Variants in PTPN22 observed in about 807,000 individuals in gnomAD.
PTPN22 encodes the protein tyrosine-protein phosphatase non-receptor type 22.
A neutral mutation model predicts 103.3 loss-of-function variants in PTPN22; 85 were observed. That is an observed-to-expected ratio of 0.82 (90% CI 0.69 to 0.99). The LOEUF is 0.99. Ranked by LOEUF, PTPN22 falls within the 50% of genes least tolerant of loss-of-function variation. PTPN22 has a pLI of 0.00. For missense variants in PTPN22, 865 were observed against 936.9 expected (o/e 0.92, Z 1.00); for synonymous variants, 323 against 310.2 (o/e 1.04, Z -0.43).
chr1:113,856,238 T>A, intron 7 of PTPN22, 144 bp downstream of exon 7: 1 of 1,214,946 alleles, frequency 8.2e-7, no homozygotes, highest in Non-Finnish European at 1.1e-6. Flanking sequence ...GGCTCAAAGT[T>A]CTCTTGAATA....
At chr1:113,829,560 G>A (rs746516701) in intron 18 of PTPN22, 32 bp downstream of exon 18, 55 of 1,316,662 alleles carry the variant, frequency 4.2e-5, no homozygotes, top group East Asian at 1.4e-4. Context: ...GAAAGTTTCC[G>A]GCATGTTTCC....
At chr1:113,855,268 G>A (rs1276742395) in intron 7 of PTPN22, among the ~76,000 whole-genome samples, 2 of 152,114 alleles carry the variant, frequency 1.3e-5, no homozygotes. Flanking sequence ...GCCGAAGCAG[G>A]CAGATTACTT....
exon 2 of PTPN22, chr1:113,859,435 T>A (rs374232213): frequency 6.2e-7 from 1 of 1,613,646 alleles, no homozygotes; most frequent in African/African-American, 1.3e-5. Flanking sequence ...GTCTGCCTTG[T>A]ACTTGGTAGA....
intron 17 of PTPN22, 108 bp downstream of exon 17, chr1:113,829,826 GCTTTTAAAATGTATT>G (rs1448720239): frequency 8.4e-7 from 1 of 1,195,686 alleles, no homozygotes; most frequent in East Asian, 2.4e-5. Context: ...TATATTAGGG[GCTTTTAAAATGTATT>G]CTTTTGTGTA....
chr1:113,843,183 G>T (rs1235445258), intron 11 of PTPN22, among the ~76,000 whole-genome samples: 1 of 151,212 alleles, frequency 6.6e-6, no homozygotes, highest in East Asian at 1.9e-4. Flanking sequence ...TTAAAAGCAG[G>T]GATACAAATA....
chr1:113,852,867 CAT>C lies in PTPN22; in HGVS notation c.751-765_751-764del, dbSNP rs1322646552. ...GTATTTCACAAGAACTAACAGAAAT[CAT>C]ATGTCTACTAAAACAGCTGCACAAG... On this transcript the variant is annotated intron_variant, in intron 9 of 20. Coordinates refer to ENST00000359785, the Ensembl canonical transcript of PTPN22. 4.6e-5 allele frequency among the ~76,000 whole-genome samples: 7 copies of C among 152,344 alleles called. No homozygotes were observed. In the South Asian group the frequency reaches 1.2e-3, roughly 27 times the overall value.
intron 10 of PTPN22, among the ~76,000 whole-genome samples, chr1:113,849,583 TTTA>T (rs1272738120): frequency 1.3e-3 from 102 of 76,724 alleles, no homozygotes; most frequent in African/African-American, 6.2e-3. Context: ...TCTTTATTTA[TTTA>T]TTTATTTATT....
intron 19 of PTPN22, among the ~76,000 whole-genome samples, chr1:113,820,651 T>G (rs1661517311): frequency 6.6e-6 from 1 of 152,214 alleles, no homozygotes; most frequent in Admixed American, 6.5e-5. Context: ...TTAAAAACTT[T>G]GTCCACATTT....
At position 113,829,578 on chromosome 1, in the gene PTPN22, C is replaced by CT. The variant is rs1458320017; in HGVS notation, c.2250+13dup. 3 of 1,488,084 alleles carry CT rather than the reference C, an allele frequency of 2.0e-6. No individual in the cohort carries two copies. Among genetic ancestry groups the CT allele is most frequent in the African/African-American group, 1.4e-5 (1 of 70,800 alleles). The allele number at this position is 1,488,084 out of a possible 1,614,324, so 92.2% of individuals were successfully genotyped here. A position where few individuals can be genotyped will look rare whatever the true frequency, so the allele number is the denominator to read the frequency against. On this transcript the variant is annotated intron_variant, in intron 18 of 20. Coordinates refer to ENST00000359785, the Ensembl canonical transcript of PTPN22. ...AGTTTCCGGCATGTTTCCCAAAACT[C>CT]TTATCTTCTTTACCTTACTCCTTGT...
intron 1 of PTPN22, among the ~76,000 whole-genome samples, chr1:113,865,931 A>G (rs1051408222): frequency 1.3e-5 from 2 of 152,244 alleles, no homozygotes; most frequent in African/African-American, 4.8e-5. Flanking sequence ...ATAGCTAATC[A>G]TGGGCATAAC....
chr1:113,859,588 C>T (rs1212075195), intron 1 of PTPN22, 128 bp from the exon 2 acceptor site: 2 of 737,728 alleles, frequency 2.7e-6, no homozygotes, highest in African/African-American at 1.8e-5. Flanking sequence ...CTGGTTCTGA[C>T]TCCGTTCAGG....
At chr1:113,835,285 G>A (rs1156400075) in intron 13 of PTPN22, among the ~76,000 whole-genome samples, 2 of 152,270 alleles carry the variant, frequency 1.3e-5, no homozygotes, top group Middle Eastern at 3.4e-3. Flanking sequence ...TTCGGAGGCC[G>A]AGGCGGGCAG....
intron 1 of PTPN22, among the ~76,000 whole-genome samples, chr1:113,863,761 T>C (rs2102171034): frequency 6.6e-6 from 1 of 152,208 alleles, no homozygotes; most frequent in Non-Finnish European, 1.5e-5. Context: ...CTTTGATATG[T>C]CTCTGGTCTT....
At chr1:113,851,272 C>T (rs1208317164) in intron 10 of PTPN22, among the ~76,000 whole-genome samples, 1 of 151,946 alleles carries the variant, frequency 6.6e-6, no homozygotes, top group Non-Finnish European at 1.5e-5. Flanking sequence ...CCCGCCTCAG[C>T]CTCCCAAGTA....
At position 113,824,290 on chromosome 1, in the gene PTPN22, C is replaced by T. The variant is rs147870510; in HGVS notation, c.2281+852G>A. Among the ~76,000 whole-genome samples, 1,509 of 151,764 alleles carry T rather than the reference C, an allele frequency of 9.9e-3. 26 individuals are homozygous for T. The highest frequency in any genetic ancestry group is 0.031 in the African/African-American group (1,297 of 41,378). On this transcript the variant is annotated intron_variant, in intron 19 of 20. Coordinates refer to ENST00000359785, the Ensembl canonical transcript of PTPN22. ...CTAATTTTTGTATTTTTAGTAGAGA[C>T]GGGGTTACACTATGTTAGCCAGGCT...
chr1:113,845,035 T>C (rs548097200), intron 11 of PTPN22, among the ~76,000 whole-genome samples: 2 of 152,172 alleles, frequency 1.3e-5, no homozygotes, highest in African/African-American at 4.8e-5. Flanking sequence ...CCCAGGATCA[T>C]TTTGAACTCC....
At chr1:113,835,056 A>G in intron 13 of PTPN22, 63 bp from the exon 14 acceptor site, 1 of 836,312 alleles carries the variant, frequency 1.2e-6, no homozygotes, top group Non-Finnish European at 1.7e-6. Flanking sequence ...GGAAATTCTT[A>G]TATTCTAATA....
At chr1:113,827,099 G>C (rs1288982533) in intron 18 of PTPN22, among the ~76,000 whole-genome samples, 1 of 152,096 alleles carries the variant, frequency 6.6e-6, no homozygotes, top group Non-Finnish European at 1.5e-5. Flanking sequence ...TTTCTCAAAG[G>C]TGTTCTGTTC....
Position 113,827,635 on chromosome 1 carries a change from A to C in PTPN22, c.2250+1957T>G, listed in dbSNP as rs534316056. Among the ~76,000 whole-genome samples the C allele has an allele frequency of 2.0e-5, 3 of 152,290 alleles. No homozygotes were observed. In the South Asian group the frequency reaches 6.2e-4, roughly 32 times the overall value. Reference sequence around the variant, plus strand: ...GCTCTTACAGATAATGCTGCAATGAATACTTGGTATACATGTCATTTCATG... The same window carrying C: ...GCTCTTACAGATAATGCTGCAATGACTACTTGGTATACATGTCATTTCATG... On this transcript the variant is annotated intron_variant, in intron 18 of 20. Transcript: ENST00000359785.
Sources: allele counts gnomAD v4.1 joint callset (sites outside exome capture counted in the v4.1 genomes callset), GRCh38; gene constraint gnomAD v4.1.1; transcripts MANE v1.5; gene names NCBI Gene and HGNC (gene_info 2026-07-23, HGNC 2026-07-21).